Variants in MYL4 observed in about 807,000 individuals in gnomAD.
MYL4 encodes the protein myosin light chain 4.
MYL4 carries 16 observed loss-of-function variants against 21.6 expected under a neutral mutation model. That is an observed-to-expected ratio of 0.74 (90% CI 0.50 to 1.12). The LOEUF (loss-of-function observed/expected upper bound fraction) is 1.12. Ranked by LOEUF, MYL4 falls within the 50% of genes most tolerant of loss-of-function variation. The probability of loss-of-function intolerance (pLI) is 0.00; values close to 1 mark genes in which losing one functional copy is unlikely to be tolerated. For missense variants in MYL4, 249 were observed against 252.9 expected, an observed-to-expected ratio of 0.98 and a Z score of 0.11; for synonymous variants, 82 against 95.7, an observed-to-expected ratio of 0.86 and a Z score of 0.83.
chr17:47,201,448 T>C (rs941389037), intron 1 of MYL4, among the ~76,000 whole-genome samples: 2 of 151,860 alleles, frequency 1.3e-5, no homozygotes, highest in African/African-American at 4.9e-5. Context: ...ATTACTTATT[T>C]CTTTTCTTTT....
At chr17:47,210,383 G>A (rs967184493) in intron 1 of MYL4, among the ~76,000 whole-genome samples, 1 of 152,156 alleles carries the variant, frequency 6.6e-6, no homozygotes, top group Non-Finnish European at 1.5e-5. Flanking sequence ...GAACTGGTGG[G>A]AGAGGGGTGG....
At position 47,220,904 on chromosome 17, in the gene MYL4, A is replaced by G. The variant is rs145633688; in HGVS notation, c.314-778A>G. Among the ~76,000 whole-genome samples the G allele has an allele frequency of 4.6e-5, 7 of 152,140 alleles. No homozygotes were observed. The East Asian group carries it at 1.4e-3, about 29-fold the overall frequency. ...TCTCTGGAGGCTTCCTGGGCCCCATAGTGGTTTCCTCCCCATCCCTTGGTT... is the reference window on the plus strand; with the variant it reads ...TCTCTGGAGGCTTCCTGGGCCCCATGGTGGTTTCCTCCCCATCCCTTGGTT... On this transcript the variant is annotated intron_variant, in intron 3 of 6. Transcript: ENST00000393450.
chr17:47,210,746 AAG>A (rs1306316046), intron 1 of MYL4, among the ~76,000 whole-genome samples: 3 of 152,186 alleles, frequency 2.0e-5, no homozygotes, highest in African/African-American at 7.2e-5. Flanking sequence ...CTGCTTAGCC[AAG>A]AGATGGAGGC....
upstream of MYL4, among the ~76,000 whole-genome samples, chr17:47,197,115 T>C (rs1042033129): frequency 2.3e-5 from 3 of 129,020 alleles, no homozygotes; most frequent in Non-Finnish European, 3.4e-5. Context: ...TTTTTTTTTT[T>C]TGAGACAGAG....
chr17:47,209,697 G>A (rs1315504609), intron 1 of MYL4, 140 bp downstream of exon 1: 3 of 1,299,592 alleles, frequency 2.3e-6, no homozygotes, highest in Non-Finnish European at 3.3e-6. Flanking sequence ...AGTCCCATGG[G>A]GCAGTGGAGT....
downstream of MYL4, among the ~76,000 whole-genome samples, chr17:47,226,781 C>A (rs1317376241): frequency 6.6e-6 from 1 of 152,218 alleles, no homozygotes; most frequent in East Asian, 1.9e-4. Flanking sequence ...GACCTCTACA[C>A]ATGGTCTAAG....
chr17:47,200,655 C>G (rs950002170), intron 1 of MYL4: 1 of 152,282 alleles, frequency 6.6e-6, no homozygotes, highest in Admixed American at 6.5e-5. Context: ...GCTATCCTGC[C>G]CTCTGCTTTA....
At chr17:47,227,057 T>C (rs1231944593), downstream of MYL4, among the ~76,000 whole-genome samples, 4 of 152,200 alleles carry the variant, frequency 2.6e-5, no homozygotes, top group Admixed American at 2.6e-4. Flanking sequence ...GGTTTCACCA[T>C]GTTGGCCAGG....
chr17:47,207,328 A>G (rs1434377728), upstream of MYL4, among the ~76,000 whole-genome samples: 1 of 152,196 alleles, frequency 6.6e-6, no homozygotes, highest in Non-Finnish European at 1.5e-5. Context: ...AGGAAACAGA[A>G]TTAGTTGGCC....
At chr17:47,209,080 A>G (rs1332532769), upstream of MYL4, 6 of 405,216 alleles carry the variant, frequency 1.5e-5, no homozygotes, top group East Asian at 5.5e-5. Context: ...CTGCTCCGGC[A>G]TATTTGAGAA....
chr17:47,198,693 A>G (rs1178882299), upstream of MYL4, among the ~76,000 whole-genome samples: 2 of 152,172 alleles, frequency 1.3e-5, no homozygotes, highest in Non-Finnish European at 2.9e-5. Flanking sequence ...GTTAATTGAA[A>G]ACGTGAAGCT....
At chr17:47,208,999 A>G (rs889672261), upstream of MYL4, 1 of 224,732 alleles carries the variant, frequency 4.4e-6, no homozygotes. Context: ...GGGAGGGGCT[A>G]AAAAAAGCCT....
At chr17:47,212,862 G>C (rs983879032) in intron 1 of MYL4, among the ~76,000 whole-genome samples, 1 of 152,180 alleles carries the variant, frequency 6.6e-6, no homozygotes, top group Non-Finnish European at 1.5e-5. Flanking sequence ...CAGCATGAGT[G>C]AATCTATTTT....
intron 3 of MYL4, among the ~76,000 whole-genome samples, chr17:47,221,412 C>T (rs1420775858): frequency 6.6e-6 from 1 of 152,190 alleles, no homozygotes; most frequent in Non-Finnish European, 1.5e-5. Flanking sequence ...GCTTAGAGGT[C>T]TGGGTGGAGG....
chr17:47,194,545 G>A, the MYL4 span, among the ~76,000 whole-genome samples: 1 of 152,126 alleles, frequency 6.6e-6, no homozygotes. Context: ...ATATCTAGTC[G>A]CAACGACCTG....
upstream of MYL4, among the ~76,000 whole-genome samples, chr17:47,206,320 A>G (rs2064728184): frequency 1.3e-5 from 2 of 152,172 alleles, no homozygotes; most frequent in South Asian, 4.1e-4. Context: ...TTAGAAAAGA[A>G]AGGGGAGTGG....
At chr17:47,189,590 C>T in the MYL4 span, among the ~76,000 whole-genome samples, 2 of 152,234 alleles carry the variant, frequency 1.3e-5, no homozygotes, top group Non-Finnish European at 2.9e-5. Context: ...ACAGCGCGGG[C>T]GGGTAGCGTT....
intron 5 of MYL4, 66 bp from the exon 6 acceptor site, chr17:47,222,948 G>A (rs1355830379): frequency 1.9e-6 from 3 of 1,593,740 alleles, no homozygotes; most frequent in Non-Finnish European, 1.7e-6. Flanking sequence ...TGTAGAGAAG[G>A]GACAAGTGGT....
At chr17:47,201,719 G>A (rs963101934) in intron 1 of MYL4, among the ~76,000 whole-genome samples, 2 of 151,986 alleles carry the variant, frequency 1.3e-5, no homozygotes, top group Non-Finnish European at 1.5e-5. Flanking sequence ...GCCTCCCAAA[G>A]TGCCAGGATT....
Sources: gnomAD v4.1 joint callset for allele counts (sites outside exome capture counted in the v4.1 genomes callset) on GRCh38, gnomAD v4.1.1 for gene constraint, MANE v1.5 for transcripts, NCBI Gene and HGNC (gene_info 2026-07-23, HGNC 2026-07-21) for gene names.